Variants in CHCHD3 observed in about 807,000 individuals in gnomAD.
The protein encoded by CHCHD3 is MICOS complex subunit MIC19.
A neutral mutation model predicts 38.2 loss-of-function variants in CHCHD3; 20 were observed. The ratio of observed to expected loss-of-function variants is 0.52; its 90% CI spans 0.37 to 0.76. CHCHD3 has a LOEUF of 0.76. Among genes scored for constraint, CHCHD3 ranks in the 30% least tolerant of loss-of-function variants. CHCHD3 has a pLI of 0.00. For missense variants in CHCHD3, 245 were observed against 279.2 expected (o/e 0.88, Z 0.87); for synonymous variants, 82 against 100.0 (o/e 0.82, Z 1.07).
chr7:132,886,708 TA>T (rs1415452721), intron 4 of CHCHD3, among the ~76,000 whole-genome samples: 56 of 8,506 alleles, frequency 6.6e-3, no homozygotes, highest in Non-Finnish European at 0.025. Flanking sequence ...TAGATATATA[TA>T]TTTTTGTGTG....
At chr7:132,812,545 C>G (rs1807099977) in intron 6 of CHCHD3, among the ~76,000 whole-genome samples, 1 of 152,068 alleles carries the variant, frequency 6.6e-6, no homozygotes, top group Admixed American at 6.6e-5. Context: ...TGCCATTATC[C>G]TAGTCTGAAC....
chr7:132,875,854 C>G (rs573445035), intron 5 of CHCHD3, among the ~76,000 whole-genome samples: 9 of 152,320 alleles, frequency 5.9e-5, no homozygotes, highest in Non-Finnish European at 1.2e-4. Context: ...TAAATGCCAA[C>G]CTTACTGTGC....
chr7:132,900,853 T>C (rs1333276482), intron 4 of CHCHD3, among the ~76,000 whole-genome samples: 2 of 152,014 alleles, frequency 1.3e-5, no homozygotes, highest in African/African-American at 2.4e-5. Context: ...TAGCTGGGTG[T>C]GGTGGTGGGC....
intron 7 of CHCHD3, 63 bp downstream of exon 7, chr7:132,796,379 T>C: frequency 1.9e-6 from 3 of 1,595,178 alleles, no homozygotes; most frequent in East Asian, 4.5e-5. Flanking sequence ...TCCTTACCAC[T>C]GCCCCAGGTC....
chr7:132,923,932 T>G (rs187806176), intron 4 of CHCHD3, among the ~76,000 whole-genome samples: 122 of 152,332 alleles, frequency 8.0e-4, no homozygotes, highest in African/African-American at 2.6e-3. Flanking sequence ...ATTAGCTCTA[T>G]GCAATAAGTG....
chr7:132,902,448 GA>G (rs1287017565), intron 4 of CHCHD3, among the ~76,000 whole-genome samples: 1 of 152,216 alleles, frequency 6.6e-6, no homozygotes, highest in African/African-American at 2.4e-5. Context: ...ACTGGATTAA[GA>G]AAATGTGGCA....
chr7:132,785,673 C>A lies in CHCHD3; in HGVS notation c.661-13G>T, dbSNP rs75368009. ...TCTCAAGCATGCTCTGCAAGAAAAA[C>A]AGAAAGAGTAAGTTTTACCACCGGG... On this transcript the variant is annotated splice_polypyrimidine_tract_variant and intron_variant, in intron 7 of 7. Transcript: ENST00000262570. The A allele has an allele frequency of 7.0e-4, 1,129 of 1,613,820 alleles. 5 individuals carry two copies. In the African/African-American group the frequency reaches 0.013, roughly 18 times the overall value.
chr7:132,861,994 A>T (rs1808502572), intron 5 of CHCHD3, among the ~76,000 whole-genome samples: 1 of 152,178 alleles, frequency 6.6e-6, no homozygotes, highest in South Asian at 2.1e-4. Context: ...ATTCCTTCCC[A>T]CTAACCTACT....
At chr7:132,943,785 AT>A (rs1234409118) in intron 4 of CHCHD3, among the ~76,000 whole-genome samples, 1 of 152,132 alleles carries the variant, frequency 6.6e-6, no homozygotes, top group East Asian at 1.9e-4. Flanking sequence ...AAAGTTATGA[AT>A]GAGCAATTCA....
chr7:133,067,854 C>T (rs912578862), intron 2 of CHCHD3, among the ~76,000 whole-genome samples: 4 of 152,296 alleles, frequency 2.6e-5, no homozygotes, highest in East Asian at 1.9e-4. Flanking sequence ...CGGTGGCTCA[C>T]GCCTGTAATC....
intron 6 of CHCHD3, among the ~76,000 whole-genome samples, chr7:132,833,142 A>G (rs1005975956): frequency 5.3e-5 from 8 of 152,230 alleles, no homozygotes; most frequent in Admixed American, 6.5e-5. Context: ...CAGCATAAGG[A>G]TTAATATAAA....
chr7:133,069,811 G>A (rs943885391), intron 2 of CHCHD3, among the ~76,000 whole-genome samples: 8 of 151,996 alleles, frequency 5.3e-5, no homozygotes, highest in African/African-American at 1.2e-4. Context: ...TTCTAAGTTC[G>A]ATTTTTTAAA....
chr7:133,043,353 C>T (rs1249894374), intron 2 of CHCHD3, among the ~76,000 whole-genome samples: 1 of 151,604 alleles, frequency 6.6e-6, no homozygotes, highest in Non-Finnish European at 1.5e-5. Flanking sequence ...CAAAAATAGA[C>T]AAAATCGACT....
chr7:132,931,636 C>T (rs1035312877), intron 4 of CHCHD3, among the ~76,000 whole-genome samples: 2 of 152,166 alleles, frequency 1.3e-5, no homozygotes, highest in Non-Finnish European at 2.9e-5. Flanking sequence ...ATGATGATTA[C>T]TCAGATGCCT....
chr7:132,863,736 T>C (rs983108713), intron 5 of CHCHD3, among the ~76,000 whole-genome samples: 1 of 152,252 alleles, frequency 6.6e-6, no homozygotes, highest in African/African-American at 2.4e-5. Context: ...ATTTTCTGGA[T>C]ACCTTGCTCC....
At chr7:132,905,601 G>GA (rs1274984946) in intron 4 of CHCHD3, among the ~76,000 whole-genome samples, 2 of 149,400 alleles carry the variant, frequency 1.3e-5, no homozygotes, top group South Asian at 2.1e-4. Flanking sequence ...AAGTTGAGGG[G>GA]AAAAAAATGC....
At chr7:132,947,614 G>A (rs1810929792) in intron 4 of CHCHD3, among the ~76,000 whole-genome samples, 1 of 151,930 alleles carries the variant, frequency 6.6e-6, no homozygotes, top group African/African-American at 2.4e-5. Context: ...TATAACTGCT[G>A]AATATCTCTA....
chr7:132,837,100 CT>C (rs1440787581), intron 6 of CHCHD3, among the ~76,000 whole-genome samples: 1 of 152,172 alleles, frequency 6.6e-6, no homozygotes, highest in Admixed American at 6.5e-5. Flanking sequence ...AAGTCATCTT[CT>C]TTATGAAAAC....
intron 5 of CHCHD3, among the ~76,000 whole-genome samples, chr7:132,884,697 G>A (rs1809159852): frequency 1.3e-5 from 2 of 152,146 alleles, no homozygotes; most frequent in South Asian, 4.1e-4. Context: ...GCAACCTCAT[G>A]GTCTATGTAT....
Sources: gnomAD v4.1 joint callset for allele counts (sites outside exome capture counted in the v4.1 genomes callset) on GRCh38, gnomAD v4.1.1 for gene constraint, MANE v1.5 for transcripts, NCBI Gene and HGNC (gene_info 2026-07-23, HGNC 2026-07-21) for gene names.